MPV17: variants seen among roughly 807,000 people sequenced by gnomAD.
The protein encoded by MPV17 is MPV17, mitochondrial inner membrane protein.
A neutral mutation model predicts 28.6 loss-of-function variants in MPV17; 31 were observed. That is an observed-to-expected ratio of 1.08 (90% CI 0.81 to 1.46). MPV17 has a LOEUF of 1.46. Among genes scored for constraint, MPV17 ranks in the 40% most tolerant of loss-of-function variants. The pLI is 0.00. For synonymous variants in MPV17, 87 were observed against 85.3 expected, an observed-to-expected ratio of 1.02 and a Z score of -0.11; for missense variants, 198 against 216.2, an observed-to-expected ratio of 0.92 and a Z score of 0.53.
At chr2:27,311,042 CTTTTTTTTTTTTTTTTTTTT>C (rs35806208) in intron 7 of MPV17, 1 of 70,554 alleles carries the variant, frequency 1.4e-5, no homozygotes, top group Admixed American at 1.9e-4. Context: ...TGTGTCCAGC[CTTTTTTTTTTTTTTTTTTTT>C]TTTTTTTTTT....
At position 27,312,584 on chromosome 2, in the gene MPV17, GC is replaced by G. The variant is rs766160589; in HGVS notation, c.284del (p.Gly95AlafsTer7). 1.2e-6 allele frequency: 2 copies of G among 1,614,044 alleles called. No individual in the cohort carries two copies. Among genetic ancestry groups the G allele is most frequent in the South Asian group, 1.1e-5 (1 of 91,092 alleles). On this transcript the variant is annotated frameshift_variant, in exon 5 of 8. Coordinates refer to ENST00000380044, the MANE Select transcript of MPV17 (RefSeq NM_002437.5). LOFTEE classifies it high-confidence loss of function. Reference protein sequence around the residue: ...ALKKMLLDQGGFAPCFLGCFL... With the variant: ...ALKKMLLDQGXFAPCFLGCFL... The stretch of plus-strand genomic sequence containing the variant: ...AGCAGCCTAGAAAACACGGGGCAAA[GC>G]CCCCCTAGGGAAGAGAAATTAAAGT...
chr2:27,313,468 A>C, intron 2 of MPV17: 1 of 534,080 alleles, frequency 1.9e-6, no homozygotes, highest in South Asian at 2.2e-5. Context: ...AGATAATTTA[A>C]TGCAAACCAC....
intron 7 of MPV17, 75 bp from the exon 8 acceptor site, chr2:27,310,056 A>G: frequency 8.8e-7 from 1 of 1,131,206 alleles, no homozygotes; most frequent in Non-Finnish European, 1.3e-6. Flanking sequence ...GGAGCATGAA[A>G]TGGCAAAGGA....
intron 2 of MPV17, among the ~76,000 whole-genome samples, chr2:27,320,096 G>A (rs1192646976): frequency 6.6e-6 from 1 of 151,392 alleles, no homozygotes; most frequent in Non-Finnish European, 1.5e-5. Flanking sequence ...AATTAGCTGG[G>A]CGTGGTGGCG....
At position 27,312,981 on chromosome 2, in the gene MPV17, G is replaced by T. The variant is rs1679512914; in HGVS notation, c.186+13C>A. ...GTTGAGTCCACTGAAGCCCTGTTGA[G>T]GGGAGAACTTACCACAAAGCCACAG... On this transcript the variant is annotated intron_variant, in intron 3 of 7. Coordinates refer to ENST00000380044, the MANE Select transcript of MPV17 (RefSeq NM_002437.5). 1 of 1,613,922 alleles carries T rather than the reference G, an allele frequency of 6.2e-7. No homozygotes were observed. The highest frequency in any genetic ancestry group is 8.5e-7 in the Non-Finnish European group (1 of 1,179,788).
intron 2 of MPV17, chr2:27,322,240 T>G: frequency 1.6e-6 from 1 of 621,364 alleles, no homozygotes. Context: ...AAAACCCTAC[T>G]GCACAGCTTG....
At chr2:27,314,116 A>G (rs1442637713) in intron 2 of MPV17, among the ~76,000 whole-genome samples, 1 of 152,080 alleles carries the variant, frequency 6.6e-6, no homozygotes, top group African/African-American at 2.4e-5. Flanking sequence ...CTTGAGCCCA[A>G]GAGTTTGAGT....
rs771182936 is a variant in MPV17 at position 27,322,447 on chromosome 2, C to T, written c.70+1G>A. 4 of 1,613,938 alleles carry T rather than the reference C, an allele frequency of 2.5e-6. No homozygotes were observed. ...CACTCAAGTCCTAGAGGGACACTCA[C>T]CAGCTGTCAGGACCTGTACTTTCCA... On this transcript the variant is annotated splice_donor_variant, in intron 2 of 7. Coordinates refer to ENST00000380044, the MANE Select transcript of MPV17 (RefSeq NM_002437.5). LOFTEE classifies it high-confidence loss of function.
At position 27,322,447 on chromosome 2, in the gene MPV17, C is replaced by A. The variant is rs771182936; in HGVS notation, c.70+1G>T. On this transcript the variant is annotated splice_donor_variant, in intron 2 of 7. Transcript: ENST00000380044. LOFTEE classifies it high-confidence loss of function. ...CACTCAAGTCCTAGAGGGACACTCA[C>A]CAGCTGTCAGGACCTGTACTTTCCA... The A allele has an allele frequency of 6.2e-7, 1 of 1,613,938 alleles. No individual in the cohort carries two copies. The highest frequency in any genetic ancestry group is 8.5e-7 in the Non-Finnish European group (1 of 1,179,850).
At chr2:27,313,619 T>C (rs1679542765) in intron 2 of MPV17, among the ~76,000 whole-genome samples, 2 of 152,222 alleles carry the variant, frequency 1.3e-5, no homozygotes, top group South Asian at 4.2e-4. Context: ...TGTAGAATGG[T>C]AGGAAACCCT....
chr2:27,315,041 C>T (rs1679600094), intron 2 of MPV17, among the ~76,000 whole-genome samples: 1 of 152,250 alleles, frequency 6.6e-6, no homozygotes, highest in Non-Finnish European at 1.5e-5. Flanking sequence ...CTCCCTGAAA[C>T]TCCCAAAGTG....
At chr2:27,312,827 A>T in intron 3 of MPV17, 55 bp from the exon 4 acceptor site, 1 of 1,573,526 alleles carries the variant, frequency 6.4e-7, no homozygotes, top group Non-Finnish European at 8.7e-7. Flanking sequence ...CTAGGCCTCT[A>T]CCTCACTAAG....
chr2:27,312,849 A>G, intron 3 of MPV17, 77 bp from the exon 4 acceptor site: 1 of 1,541,554 alleles, frequency 6.5e-7, no homozygotes, highest in Non-Finnish European at 9.0e-7. Context: ...TCCCTGCCCC[A>G]AGTATCAGAA....
chr2:27,311,926 T>A lies in MPV17; in HGVS notation c.434A>T (p.Asn145Ile), dbSNP rs773274752. 1.2e-6 allele frequency: 2 copies of A among 1,613,686 alleles called. No individual in the cohort carries two copies. The highest frequency in any genetic ancestry group is 2.7e-5 in the African/African-American group (2 of 74,900). The change falls in exon 7 of 8, where the codon AAC becomes ATC. Residue 145 changes from asparagine (N) to isoleucine (I), a missense_variant. By Grantham distance (149) the Asn-to-Ile change is moderately radical (BLOSUM62 -3). Transcript: ENST00000380044. ...GTAATGAAGGGGGACCAGGTAGAAG[T>A]TGGCTAACTGCACAGCAGGCCATAG... ...YYLWPAVQLA[N>I]FYLVPLHYRL...
At chr2:27,311,983 G>A (rs200225612) in intron 6 of MPV17, 32 bp from the exon 7 acceptor site, 23 of 1,610,150 alleles carry the variant, frequency 1.4e-5, no homozygotes. Flanking sequence ...TTGGATGGCT[G>A]CCCCACCACC....
chr2:27,313,224 T>C, intron 2 of MPV17, 115 bp from the exon 3 acceptor site: 1 of 1,568,304 alleles, frequency 6.4e-7, no homozygotes, highest in South Asian at 1.2e-5. Context: ...ACCCCAGGGC[T>C]TCATTGTGGA....
At position 27,312,277 on chromosome 2, in the gene MPV17, C is replaced by T. The variant is rs559110607; in HGVS notation, c.376-31G>A. The T allele has an allele frequency of 4.3e-6, 7 of 1,612,912 alleles. No homozygotes were observed. In the African/African-American group the frequency reaches 8.0e-5, roughly 18 times the overall value. Reference sequence around the variant, plus strand: ...GAGACAGAGAAGGAACAAATTAACACTTGCGCCTCCAAGCAGCTCCCACTT... The same window carrying T: ...GAGACAGAGAAGGAACAAATTAACATTTGCGCCTCCAAGCAGCTCCCACTT... On this transcript the variant is annotated intron_variant, in intron 5 of 7. Transcript: ENST00000380044.
At chr2:27,314,442 G>A (rs1018752151) in intron 2 of MPV17, among the ~76,000 whole-genome samples, 4 of 152,170 alleles carry the variant, frequency 2.6e-5, no homozygotes, top group African/African-American at 9.7e-5. Flanking sequence ...AGCACAATCA[G>A]CTAAACCAAG....
At position 27,313,167 on chromosome 2, in the gene MPV17, G is replaced by A. The variant is rs768874741; in HGVS notation, c.71-58C>T. 9.3e-6 allele frequency: 15 copies of A among 1,612,580 alleles called. No homozygotes were observed. In the African/African-American group the frequency reaches 1.7e-4, roughly 19 times the overall value. ...CTCCTGGGATGGGCTGCCATTCCAA[G>A]GAGGGAGGGACATCTGCTGACCTCC... On this transcript the variant is annotated intron_variant, in intron 2 of 7. Coordinates refer to ENST00000380044, the MANE Select transcript of MPV17 (RefSeq NM_002437.5).
Sources: gnomAD v4.1 joint callset for allele counts (sites outside exome capture counted in the v4.1 genomes callset) on GRCh38, gnomAD v4.1.1 for gene constraint, MANE v1.5 for transcripts, NCBI Gene and HGNC (gene_info 2026-07-23, HGNC 2026-07-21) for gene names.